The following TLK2 variants were observed in gnomAD, a reference collection of about 807,000 sequenced individuals.
The protein encoded by TLK2 is serine/threonine-protein kinase tousled-like 2.
TLK2 carries 6 observed loss-of-function variants against 117.3 expected under a neutral mutation model. The observed-to-expected ratio is 0.05, with a 90% CI of 0.03 to 0.10. The LOEUF (loss-of-function observed/expected upper bound fraction) is 0.10, where lower values mean the gene tolerates loss of function less well. Among genes scored for constraint, TLK2 ranks in the 10% least tolerant of loss-of-function variants. The pLI is 1.00. For synonymous variants in TLK2, 257 were observed against 316.7 expected (o/e 0.81, Z 2.00); for missense variants, 299 against 901.2 (o/e 0.33, Z 8.56).
intron 14 of TLK2, 39 bp from the exon 15 acceptor site, chr17:62,580,072 C>T: frequency 2.6e-6 from 4 of 1,564,986 alleles, no homozygotes; most frequent in South Asian, 2.3e-5. Context: ...AGACTGTAGT[C>T]CATGATCTCA....
At chr17:62,491,797 G>A (rs536611153) in intron 2 of TLK2, among the ~76,000 whole-genome samples, 48 of 152,246 alleles carry the variant, frequency 3.2e-4, no homozygotes, top group African/African-American at 1.2e-3. Context: ...TGTTGGCCAG[G>A]ATGGTCTCGA....
intron 2 of TLK2, among the ~76,000 whole-genome samples, chr17:62,520,190 G>A (rs1238503346): frequency 6.6e-6 from 1 of 152,136 alleles, no homozygotes; most frequent in Non-Finnish European, 1.5e-5. Context: ...TGTCCCATGA[G>A]CTGGGAGAGA....
intron 6 of TLK2, among the ~76,000 whole-genome samples, chr17:62,534,877 C>T (rs2076999434): frequency 7.3e-6 from 1 of 137,180 alleles, no homozygotes; most frequent in Non-Finnish European, 1.6e-5. Flanking sequence ...TGGATAATTC[C>T]AGTCTTTTTT....
chr17:62,558,667 T>G (rs2079038354), intron 9 of TLK2, among the ~76,000 whole-genome samples: 1 of 152,244 alleles, frequency 6.6e-6, no homozygotes, highest in Non-Finnish European at 1.5e-5. Context: ...GATTCTTTAC[T>G]ATGAATTTGG....
rs2146033638 is a variant in TLK2, at chr17:62,546,008, A to G, written c.532-6294A>G. On this transcript the variant is annotated intron_variant, in intron 7 of 21. Coordinates refer to ENST00000346027, the MANE Select transcript of TLK2 (RefSeq NM_006852.6). ...GCAATTCTCCTGCCTCAGCCTTCTG[A>G]GTAGCTAGGATTACAGGCTCACACC... Among the ~76,000 whole-genome samples the G allele has an allele frequency of 2.6e-5, 4 of 152,208 alleles. 1 individual carries two copies. The Middle Eastern group carries it at 0.014, about 518-fold the overall frequency.
chr17:62,597,511 A>G (rs2082565847), intron 17 of TLK2, among the ~76,000 whole-genome samples: 1 of 152,196 alleles, frequency 6.6e-6, no homozygotes, highest in Admixed American at 6.5e-5. Context: ...AGACTGTTCA[A>G]GAGAGTTTCT....
chr17:62,566,734 C>T (rs1439922988), intron 11 of TLK2, among the ~76,000 whole-genome samples: 1 of 152,126 alleles, frequency 6.6e-6, no homozygotes, highest in Non-Finnish European at 1.5e-5. Flanking sequence ...CATCCAGTTT[C>T]CAGATTTGTT....
rs150804935 is a variant in TLK2 at position 62,551,086 on chromosome 17, A to G, written c.532-1216A>G. 3.5e-3 allele frequency among the ~76,000 whole-genome samples: 527 copies of G among 152,304 alleles called. 3 individuals carry two copies. The highest frequency in any genetic ancestry group is 0.012 in the African/African-American group (491 of 41,554). ...ACCTGATTCAGCCTCCCAAAGTGCT[A>G]GGATTACAGGTGAGCCACCTGACCC... On this transcript the variant is annotated intron_variant, in intron 7 of 21. Coordinates refer to ENST00000346027, the MANE Select transcript of TLK2 (RefSeq NM_006852.6).
chr17:62,510,049 C>T (rs948736323), intron 2 of TLK2, among the ~76,000 whole-genome samples: 8 of 152,144 alleles, frequency 5.3e-5, no homozygotes, highest in African/African-American at 1.4e-4. Flanking sequence ...GAGGTAGAGG[C>T]GAGTGTACTG....
intron 17 of TLK2, among the ~76,000 whole-genome samples, chr17:62,599,069 C>T (rs2082687500): frequency 6.6e-6 from 1 of 152,080 alleles, no homozygotes; most frequent in African/African-American, 2.4e-5. Flanking sequence ...CCTCAGCCTC[C>T]CAAGTAGCTG....
chr17:62,522,307 A>T, intron 4 of TLK2, 34 bp downstream of exon 4: 1 of 1,593,476 alleles, frequency 6.3e-7, no homozygotes, highest in Non-Finnish European at 8.6e-7. Context: ...AAAGTACTCA[A>T]TTCTAATGTA....
At chr17:62,514,105 A>G (rs1285141641) in intron 2 of TLK2, among the ~76,000 whole-genome samples, 1 of 152,122 alleles carries the variant, frequency 6.6e-6, no homozygotes, top group Non-Finnish European at 1.5e-5. Context: ...GCTACGTGTT[A>G]GTTATTATTG....
chr17:62,489,886 G>C (rs1205703784), intron 2 of TLK2, among the ~76,000 whole-genome samples: 2 of 151,952 alleles, frequency 1.3e-5, no homozygotes, highest in Admixed American at 6.6e-5. Flanking sequence ...GCTGGAGTGT[G>C]GTGGTGCGAT....
intron 2 of TLK2, among the ~76,000 whole-genome samples, chr17:62,485,801 C>A (rs558873186): frequency 8.0e-5 from 12 of 150,900 alleles, no homozygotes; most frequent in Non-Finnish European, 1.5e-4. Flanking sequence ...GGGTTGTGAA[C>A]CTAGTAATTT....
chr17:62,514,436 G>A (rs1230465514), intron 2 of TLK2, among the ~76,000 whole-genome samples: 2 of 147,916 alleles, frequency 1.4e-5, no homozygotes, highest in Non-Finnish European at 3.0e-5. Flanking sequence ...GAGCCACCAT[G>A]CCCAGTCAAT....
chr17:62,512,223 T>C (rs1242112651), intron 2 of TLK2, among the ~76,000 whole-genome samples: 1 of 142,744 alleles, frequency 7.0e-6, no homozygotes, highest in Non-Finnish European at 1.5e-5. Flanking sequence ...CTTTTTTTTT[T>C]TTTTTTTTTT....
rs1407082412 is a variant in TLK2 at position 62,613,813 on chromosome 17, A to T, written c.*1248A>T. 1.3e-5 allele frequency: 2 copies of T among 152,200 alleles called. No homozygotes were observed. The highest frequency in any genetic ancestry group is 2.1e-4 in the South Asian group (1 of 4,828). The allele number at this position is 152,200 out of a possible 1,614,324, so 9.4% of individuals were successfully genotyped here. A position where few individuals can be genotyped will look rare whatever the true frequency, so the allele number is the denominator to read the frequency against. ...TAAAAGATTCATCAAATGGAATTTT[A>T]AAAATAATCTGAAAAGAAATAGATA... On this transcript the variant is annotated 3_prime_UTR_variant, in exon 22 of 22. Transcript: ENST00000346027.
chr17:62,504,333 A>G (rs1198548918), intron 2 of TLK2, among the ~76,000 whole-genome samples: 1 of 152,172 alleles, frequency 6.6e-6, no homozygotes, highest in Non-Finnish European at 1.5e-5. Flanking sequence ...CTTGAAATCC[A>G]CAGATTTCAA....
chr17:62,565,669 A>AGAATGAGT (rs2079720761), intron 11 of TLK2, among the ~76,000 whole-genome samples: 1 of 151,500 alleles, frequency 6.6e-6, no homozygotes, highest in African/African-American at 2.4e-5. Context: ...AAAAAAAAAA[A>AGAATGAGT]GAATGAGTTC....
Sources: gnomAD v4.1 joint callset for allele counts (sites outside exome capture counted in the v4.1 genomes callset) on GRCh38, gnomAD v4.1.1 for gene constraint, MANE v1.5 for transcripts, NCBI Gene and HGNC (gene_info 2026-07-23, HGNC 2026-07-21) for gene names.